The following ITPR1 variants were observed in gnomAD, a reference collection of about 807,000 sequenced individuals.
ITPR1 encodes the protein inositol 1,4,5-trisphosphate receptor type 1.
Under a neutral mutation model 318.4 loss-of-function variants are expected in ITPR1, and 96 were observed. The observed-to-expected ratio is 0.30, with a 90% CI of 0.26 to 0.36. The LOEUF (loss-of-function observed/expected upper bound fraction) is 0.36. Among genes scored for constraint, ITPR1 ranks in the 10% least tolerant of loss-of-function variants. ITPR1 has a pLI of 1.00. For synonymous variants in ITPR1, 1,312 were observed against 1,289.9 expected, an observed-to-expected ratio of 1.02 and a Z score of -0.37; for missense variants, 2,440 against 3,460.2, an observed-to-expected ratio of 0.71 and a Z score of 7.40.
chr3:4,643,991 G>T (rs546993474), intron 7 of ITPR1, 145 bp from the exon 8 acceptor site: 1 of 608,056 alleles, frequency 1.6e-6, no homozygotes, highest in Non-Finnish European at 3.1e-6. Context: ...TAAAGAAGGC[G>T]TGGTGTGTGC....
rs146450447 is a variant in ITPR1 at position 4,756,892 on chromosome 3, T to C, written c.5545-9638T>C. Among the ~76,000 whole-genome samples the C allele has an allele frequency of 3.3e-5, 5 of 152,378 alleles. No homozygotes were observed. The East Asian group carries it at 7.7e-4, about 23-fold the overall frequency. ...ACACCTTCCCTGGAAAGGGGTATTA[T>C]TGTTAGACAACTGTAGCACCTTCCA... On this transcript the variant is annotated intron_variant, in intron 44 of 61. Transcript: ENST00000649015.
chr3:4,547,544 A>G (rs2085142018), intron 4 of ITPR1, among the ~76,000 whole-genome samples: 2 of 152,342 alleles, frequency 1.3e-5, no homozygotes, highest in South Asian at 4.1e-4. Context: ...TGGCACGGTG[A>G]CAATATGAAA....
intron 2 of ITPR1, among the ~76,000 whole-genome samples, chr3:4,502,444 T>A (rs2081090131): frequency 2.0e-5 from 3 of 150,530 alleles, no homozygotes; most frequent in Non-Finnish European, 4.4e-5. Flanking sequence ...TACCCCTCTC[T>A]CCTTTTTTTT....
At chr3:4,636,682 G>C (rs1448691595) in intron 5 of ITPR1, among the ~76,000 whole-genome samples, 1 of 151,944 alleles carries the variant, frequency 6.6e-6, no homozygotes, top group Non-Finnish European at 1.5e-5. Flanking sequence ...GCCTGCCTCG[G>C]CCTCCCAGAG....
At chr3:4,767,006 T>A (rs2045859650) in intron 45 of ITPR1, among the ~76,000 whole-genome samples, 1 of 152,236 alleles carries the variant, frequency 6.6e-6, no homozygotes, top group Non-Finnish European at 1.5e-5. Context: ...TTAGAGAAAG[T>A]TGAGGGAAAT....
chr3:4,530,720 G>T (rs936020355), intron 4 of ITPR1, among the ~76,000 whole-genome samples: 5 of 152,094 alleles, frequency 3.3e-5, no homozygotes, highest in African/African-American at 1.2e-4. Context: ...GGTTGAGGCC[G>T]CAGTGAGCCA....
At position 4,545,622 on chromosome 3, in the gene ITPR1, C is replaced by CAA. The variant is rs56829358; in HGVS notation, c.163+24546_163+24547dup. 3.6e-3 allele frequency among the ~76,000 whole-genome samples: 247 copies of CAA among 68,636 alleles called. 1 individual carries two copies. Among genetic ancestry groups the CAA allele is most frequent in the African/African-American group, 8.6e-3 (177 of 20,596 alleles). 45.0% of individuals were successfully genotyped at this position (68,636 alleles called of 152,430 possible). On this transcript the variant is annotated intron_variant, in intron 4 of 61. Transcript: ENST00000649015. ...TGGGCAACAGAACGGGACCCGGTCT[C>CAA]AAAAAAAAAAAAAAAAAAAGGCTTT...
rs77304218 is a variant in ITPR1 at position 4,681,756 on chromosome 3, G to C, written c.3161+338G>C. On this transcript the variant is annotated intron_variant, in intron 26 of 61. Coordinates refer to ENST00000649015, the MANE Select transcript of ITPR1 (RefSeq NM_001378452.1). ...AGGAAATGCAATCAAAAGAAGAATA[G>C]AAAGAGAGAGGGGCTCAAAACAGAG... Among the ~76,000 whole-genome samples the C allele has an allele frequency of 5.5e-3, 843 of 152,014 alleles. 5 individuals carry two copies. Among genetic ancestry groups the C allele is most frequent in the African/African-American group, 0.019 (783 of 41,470 alleles).
chr3:4,781,316 A>G (rs1018698533), intron 49 of ITPR1, among the ~76,000 whole-genome samples: 5 of 152,190 alleles, frequency 3.3e-5, no homozygotes, highest in African/African-American at 1.2e-4. Context: ...TTTAGTACAA[A>G]TTAGAGGTTG....
chr3:4,628,809 A>ACTCCCATCAAATATTTCAC (rs1237608955), intron 5 of ITPR1, among the ~76,000 whole-genome samples: 1 of 152,210 alleles, frequency 6.6e-6, no homozygotes, highest in Non-Finnish European at 1.5e-5. Context: ...CGGAATGCAC[A>ACTCCCATCAAATATTTCAC]GTGATCTTTC....
intron 2 of ITPR1, among the ~76,000 whole-genome samples, chr3:4,508,065 G>A (rs2081517851): frequency 6.6e-6 from 1 of 152,122 alleles, no homozygotes; most frequent in Admixed American, 6.6e-5. Context: ...GCACTGTGGG[G>A]ACGAGGCGAG....
chr3:4,818,036 C>A (rs759467082), intron 59 of ITPR1, 46 bp from the exon 60 acceptor site: 2 of 1,525,118 alleles, frequency 1.3e-6, no homozygotes, highest in Non-Finnish European at 1.8e-6. Context: ...TTTTTCTTTA[C>A]CAAGGCTGCT....
At chr3:4,707,376 G>A (rs1292214738) in intron 37 of ITPR1, among the ~76,000 whole-genome samples, 1 of 152,190 alleles carries the variant, frequency 6.6e-6, no homozygotes, top group African/African-American at 2.4e-5. Context: ...GTTGATGCTG[G>A]TTGTCAGGTG....
intron 4 of ITPR1, among the ~76,000 whole-genome samples, chr3:4,603,656 C>A (rs1485689421): frequency 6.6e-6 from 1 of 152,146 alleles, no homozygotes; most frequent in Non-Finnish European, 1.5e-5. Context: ...TCTTGATTTC[C>A]TGACCTCGTG....
intron 55 of ITPR1, among the ~76,000 whole-genome samples, chr3:4,809,549 T>C (rs2048801301): frequency 6.6e-6 from 1 of 152,136 alleles, no homozygotes. Context: ...ATTAAGCTAT[T>C]GAGCGAATGT....
At position 4,781,902 on chromosome 3, in the gene ITPR1, G is replaced by C. The variant is rs577849912; in HGVS notation, c.6388-717G>C. On this transcript the variant is annotated intron_variant, in intron 49 of 61. Coordinates refer to ENST00000649015, the MANE Select transcript of ITPR1 (RefSeq NM_001378452.1). Reference sequence around the variant, plus strand: ...GGAGGATAAGGCAGGAGGATCACTTGAGCCTGGGAGGTCAGGGCTATAGTG... The same window carrying C: ...GGAGGATAAGGCAGGAGGATCACTTCAGCCTGGGAGGTCAGGGCTATAGTG... Among the ~76,000 whole-genome samples the C allele has an allele frequency of 5.3e-4, 80 of 152,324 alleles. No individual in the cohort carries two copies. In the Middle Eastern group the frequency reaches 0.01, roughly 19 times the overall value.
chr3:4,746,179 G>C (rs1336279561), intron 44 of ITPR1, among the ~76,000 whole-genome samples: 1 of 152,206 alleles, frequency 6.6e-6, no homozygotes, highest in East Asian at 1.9e-4. Context: ...AACTGAGATA[G>C]CCTTTTAGTG....
rs866595488 is a variant in ITPR1 at position 4,829,963 on chromosome 3, T to G, written c.8029-6811T>G. 8.1e-3 allele frequency among the ~76,000 whole-genome samples: 795 copies of G among 98,046 alleles called. 14 individuals are homozygous for G. Among genetic ancestry groups the G allele is most frequent in the African/African-American group, 0.024 (763 of 31,320 alleles). 64.3% of individuals were successfully genotyped at this position (98,046 alleles called of 152,430 possible). A position where few individuals can be genotyped will look rare whatever the true frequency, so the allele number is the denominator to read the frequency against. Reference sequence around the variant, plus strand: ...TAAAACATGTATAACAGTTTTTTTTTTTTTTTTTTTTTTTTTGTGTGTGTG... The same window carrying G: ...TAAAACATGTATAACAGTTTTTTTTGTTTTTTTTTTTTTTTTGTGTGTGTG... On this transcript the variant is annotated intron_variant, in intron 60 of 61. Transcript: ENST00000649015.
chr3:4,796,614 C>T (rs931388), intron 53 of ITPR1, among the ~76,000 whole-genome samples: 40,628 of 152,054 alleles, frequency 0.27, 6,466 homozygotes, highest in African/African-American at 0.43. Flanking sequence ...TTATTCGCCA[C>T]GTCTGTTTTC....
Sources: gnomAD v4.1 joint callset for allele counts (sites outside exome capture counted in the v4.1 genomes callset) on GRCh38, gnomAD v4.1.1 for gene constraint, MANE v1.5 for transcripts, NCBI Gene and HGNC (gene_info 2026-07-23, HGNC 2026-07-21) for gene names.